The following ACER3 variants were observed in gnomAD, a reference collection of about 807,000 sequenced individuals.
ACER3 encodes the protein alkaline ceramidase 3.
ACER3 carries 16 observed loss-of-function variants against 48.9 expected under a neutral mutation model. The ratio of observed to expected loss-of-function variants is 0.33; its 90% CI spans 0.22 to 0.50. The LOEUF is 0.50. Among genes scored for constraint, ACER3 ranks in the 20% least tolerant of loss-of-function variants. The pLI, the probability that ACER3 is intolerant of heterozygous loss-of-function variation, is 0.98. For missense variants in ACER3, 227 were observed against 326.0 expected (o/e 0.70, Z 2.34); for synonymous variants, 109 against 107.8 (o/e 1.01, Z -0.07).
intron 1 of ACER3, among the ~76,000 whole-genome samples, chr11:76,894,744 A>G (rs1945888390): frequency 6.6e-6 from 1 of 152,250 alleles, no homozygotes; most frequent in Non-Finnish European, 1.5e-5. Context: ...AAGTTTGGAT[A>G]TTTGAAAGGA....
chr11:76,895,190 A>G (rs1237167436), intron 1 of ACER3, among the ~76,000 whole-genome samples: 1 of 152,188 alleles, frequency 6.6e-6, no homozygotes, highest in Non-Finnish European at 1.5e-5. Flanking sequence ...TGAAATGTCA[A>G]CATTATTATA....
intron 9 of ACER3, 135 bp from the exon 10 acceptor site, chr11:77,019,596 G>A (rs1949436939): frequency 4.0e-6 from 3 of 744,468 alleles, no homozygotes; most frequent in Non-Finnish European, 4.6e-6. Flanking sequence ...AACAGTTGCT[G>A]AACAAATGAA....
intron 2 of ACER3, among the ~76,000 whole-genome samples, chr11:76,957,283 A>G (rs1211357373): frequency 6.6e-6 from 1 of 152,236 alleles, no homozygotes; most frequent in African/African-American, 2.4e-5. Flanking sequence ...ATCAGAAAAA[A>G]AAGCTTTATT....
At chr11:76,886,831 C>G (rs1945685285) in intron 1 of ACER3, among the ~76,000 whole-genome samples, 1 of 152,108 alleles carries the variant, frequency 6.6e-6, no homozygotes, top group African/African-American at 2.4e-5. Flanking sequence ...CAAGTGTGCG[C>G]TACACCTGGC....
intron 1 of ACER3, among the ~76,000 whole-genome samples, chr11:76,899,735 A>G (rs1329014297): frequency 6.6e-6 from 1 of 152,130 alleles, no homozygotes; most frequent in African/African-American, 2.4e-5. Flanking sequence ...GCCTCATGAC[A>G]TACCTTTCCC....
intron 2 of ACER3, among the ~76,000 whole-genome samples, chr11:76,949,159 T>A (rs1218417574): frequency 6.6e-6 from 1 of 152,138 alleles, no homozygotes; most frequent in Non-Finnish European, 1.5e-5. Flanking sequence ...AATCCAGAGG[T>A]TCCAACTGAG....
chr11:76,927,180 C>G (rs1946851941), intron 2 of ACER3, among the ~76,000 whole-genome samples: 1 of 152,128 alleles, frequency 6.6e-6, no homozygotes, highest in South Asian at 2.1e-4. Context: ...TAGTTTTAAA[C>G]TTTTTGGAAA....
chr11:76,982,825 GAGTTA>G (rs1948613800), intron 4 of ACER3, among the ~76,000 whole-genome samples: 1 of 151,996 alleles, frequency 6.6e-6, no homozygotes, highest in South Asian at 2.1e-4. Context: ...GATCTATTTT[GAGTTA>G]GTTTTGTCAA....
intron 2 of ACER3, among the ~76,000 whole-genome samples, chr11:76,936,603 T>C (rs1947192814): frequency 6.6e-6 from 1 of 152,048 alleles, no homozygotes; most frequent in Non-Finnish European, 1.5e-5. Context: ...ATAAAGTCGC[T>C]TTTGCATGAC....
intron 1 of ACER3, among the ~76,000 whole-genome samples, chr11:76,874,843 T>C (rs894483108): frequency 1.1e-4 from 17 of 152,296 alleles, no homozygotes; most frequent in Middle Eastern, 3.4e-3. Flanking sequence ...TTTGATTTGT[T>C]TTTAAATTCA....
intron 1 of ACER3, among the ~76,000 whole-genome samples, chr11:76,902,805 A>G (rs1200535167): frequency 6.6e-6 from 1 of 152,238 alleles, no homozygotes; most frequent in Non-Finnish European, 1.5e-5. Context: ...TTTTAAGCAG[A>G]TGCTCGTGAG....
At chr11:76,936,457 G>A (rs1368501431) in intron 2 of ACER3, among the ~76,000 whole-genome samples, 1 of 152,126 alleles carries the variant, frequency 6.6e-6, no homozygotes, top group Non-Finnish European at 1.5e-5. Flanking sequence ...AAACGTGTGT[G>A]CATTCTTACA....
Position 77,014,045 on chromosome 11 carries a change from A to C in ACER3, c.498-971A>C, listed in dbSNP as rs570091474. Among the ~76,000 whole-genome samples, 6 of 152,314 alleles carry C rather than the reference A, an allele frequency of 3.9e-5. No homozygotes were observed. The East Asian group carries it at 1.2e-3, about 29-fold the overall frequency. On this transcript the variant is annotated intron_variant, in intron 7 of 10. Coordinates refer to ENST00000532485, the MANE Select transcript of ACER3 (RefSeq NM_018367.7). ...GCTTTTGGAGGTGGTGGATATCTTGATTGTGGTGGTGGTTTCATGGGTATG... is the reference window on the plus strand; with the variant it reads ...GCTTTTGGAGGTGGTGGATATCTTGCTTGTGGTGGTGGTTTCATGGGTATG...
intron 3 of ACER3, among the ~76,000 whole-genome samples, chr11:76,967,325 C>T (rs1034791741): frequency 3.9e-5 from 6 of 152,124 alleles, no homozygotes; most frequent in African/African-American, 1.4e-4. Flanking sequence ...AATAGCTTAC[C>T]AACCAAAAAG....
At chr11:76,970,148 CA>C (rs1480583292) in intron 3 of ACER3, among the ~76,000 whole-genome samples, 1 of 151,942 alleles carries the variant, frequency 6.6e-6, no homozygotes, top group East Asian at 1.9e-4. Flanking sequence ...GCCTAAACTC[CA>C]AAAGGGTGAG....
intron 1 of ACER3, among the ~76,000 whole-genome samples, chr11:76,871,709 G>T (rs1945244255): frequency 6.6e-6 from 1 of 152,216 alleles, no homozygotes; most frequent in African/African-American, 2.4e-5. Flanking sequence ...TAGACTCTCA[G>T]CTACTCTCTT....
intron 6 of ACER3, among the ~76,000 whole-genome samples, chr11:76,995,012 T>G (rs1948883684): frequency 6.6e-6 from 1 of 152,154 alleles, no homozygotes; most frequent in African/African-American, 2.4e-5. Context: ...AAGTTTGATT[T>G]CTGTTGCCCT....
chr11:76,983,225 T>G (rs936245522), intron 4 of ACER3, among the ~76,000 whole-genome samples: 1 of 151,664 alleles, frequency 6.6e-6, no homozygotes, highest in African/African-American at 2.4e-5. Flanking sequence ...GTTCTTTAAT[T>G]TATCCAAGTG....
intron 1 of ACER3, among the ~76,000 whole-genome samples, chr11:76,882,627 T>C (rs1945557877): frequency 6.6e-6 from 1 of 152,234 alleles, no homozygotes. Flanking sequence ...TCAGTCTCAA[T>C]TGATATTCTT....
Sources: allele counts gnomAD v4.1 joint callset (sites outside exome capture counted in the v4.1 genomes callset), GRCh38; gene constraint gnomAD v4.1.1; transcripts MANE v1.5; gene names NCBI Gene and HGNC (gene_info 2026-07-23, HGNC 2026-07-21).